Variants in CFAP57 observed in about 807,000 individuals in gnomAD.
CFAP57 encodes the protein cilia- and flagella-associated protein 57.
In CFAP57, 116 loss-of-function variants were observed where a neutral mutation model predicts 146.8. The ratio of observed to expected loss-of-function variants is 0.79; its 90% CI spans 0.68 to 0.92. CFAP57 has a LOEUF of 0.92. Among genes scored for constraint, CFAP57 ranks in the 40% least tolerant of loss-of-function variants. The probability of loss-of-function intolerance (pLI) is 0.00; values close to 1 mark genes in which losing one functional copy is unlikely to be tolerated. For synonymous variants in CFAP57, 518 were observed against 552.8 expected (o/e 0.94, Z 0.88); for missense variants, 1,377 against 1,527.2 (o/e 0.90, Z 1.64).
intron 6 of CFAP57, among the ~76,000 whole-genome samples, chr1:43,191,800 C>CTT (rs574816091): frequency 2.2e-4 from 32 of 145,126 alleles, no homozygotes; most frequent in Non-Finnish European, 3.5e-4. Context: ...TTAGGTTGCT[C>CTT]TTTTTTTTTT....
intron 21 of CFAP57, among the ~76,000 whole-genome samples, chr1:43,236,523 G>A (rs1231242517): frequency 7.4e-6 from 1 of 135,132 alleles, no homozygotes; most frequent in Non-Finnish European, 1.5e-5. Context: ...AGAGTGGGGG[G>A]TTCCTGCAAG....
chr1:43,174,156 A>G (rs1186336781), intron 2 of CFAP57, among the ~76,000 whole-genome samples: 1 of 152,070 alleles, frequency 6.6e-6, no homozygotes, highest in Non-Finnish European at 1.5e-5. Flanking sequence ...TATATTCTGT[A>G]TATCAATAAT....
intron 9 of CFAP57, 129 bp downstream of exon 9, chr1:43,199,632 G>T (rs895480720): frequency 2.4e-6 from 2 of 823,798 alleles, no homozygotes; most frequent in African/African-American, 3.4e-5. Context: ...CTTGGGGAAA[G>T]AGACAATAAA....
At chr1:43,246,965 TA>T (rs1646134535) in intron 22 of CFAP57, among the ~76,000 whole-genome samples, 1 of 152,206 alleles carries the variant, frequency 6.6e-6, no homozygotes. Flanking sequence ...TCCTGAACAT[TA>T]AAACTTTGTA....
At chr1:43,230,179 A>C (rs1206369380) in intron 18 of CFAP57, among the ~76,000 whole-genome samples, 2 of 152,204 alleles carry the variant, frequency 1.3e-5, no homozygotes, top group African/African-American at 4.8e-5. Flanking sequence ...CTCTCTGCTA[A>C]CCTCATCTGT....
rs1280610618 is a variant in CFAP57 at position 43,232,642 on chromosome 1, T to G, written c.3126+18T>G. The stretch of plus-strand genomic sequence containing the variant: ...GACAGAAGGTGTGAGGGTTTCAGAG[T>G]CTGGCAGTTCTTGGATTCGGGATCT... On this transcript the variant is annotated intron_variant, in intron 19 of 22. Coordinates refer to ENST00000372492, the MANE Select transcript of CFAP57 (RefSeq NM_001378189.1). The G allele has an allele frequency of 6.7e-7, 1 of 1,496,312 alleles. No homozygotes were observed. The highest frequency in any genetic ancestry group is 1.4e-5 in the African/African-American group (1 of 71,734). The allele number at this position is 1,496,312 out of a possible 1,614,324, so 92.7% of individuals were successfully genotyped here.
intron 2 of CFAP57, among the ~76,000 whole-genome samples, chr1:43,178,721 G>A (rs1005332834): frequency 1.3e-5 from 2 of 152,232 alleles, no homozygotes; most frequent in Non-Finnish European, 2.9e-5. Context: ...GTGGAAGACA[G>A]TGTGGTGATT....
At chr1:43,184,365 A>T (rs1467164539) in intron 4 of CFAP57, among the ~76,000 whole-genome samples, 2 of 152,234 alleles carry the variant, frequency 1.3e-5, no homozygotes, top group African/African-American at 4.8e-5. Flanking sequence ...GTGGTTATTG[A>T]CCATTATAAT....
intron 22 of CFAP57, among the ~76,000 whole-genome samples, chr1:43,252,407 A>G (rs10890246): frequency 0.34 from 51,969 of 151,786 alleles, 10,292 homozygotes; most frequent in East Asian, 0.59. Context: ...TTTGTGGCTT[A>G]AGGCGATCTT....
chr1:43,176,902 TCA>T (rs1478060007), intron 2 of CFAP57, among the ~76,000 whole-genome samples: 3 of 151,772 alleles, frequency 2.0e-5, no homozygotes, highest in Non-Finnish European at 2.9e-5. Context: ...TAGCAAAGGC[TCA>T]GAGTTAGGAG....
At position 43,186,812 on chromosome 1, in the gene CFAP57, A is replaced by G. The variant is rs532399984; in HGVS notation, c.1075A>G (p.Lys359Glu). ...GGAAACTCTGGTTGCCAGCACCAGT[A>G]AGAACCAACTCTACAGCATCACCAT... ...SEETLVASTS[K>E]NQLYSITMSL... is the part of the protein sequence containing the mutation. Residue 359 changes from lysine to glutamate, a missense_variant, in exon 6 of 23, where the codon AAG (lysine) becomes GAG (glutamate). Transcript: ENST00000372492. The G allele has an allele frequency of 1.9e-5, 31 of 1,614,132 alleles. No homozygotes were observed. The East Asian group carries it at 6.2e-4, about 32-fold the overall frequency.
In CFAP57 at chr1:43,221,390, G is replaced by T; in HGVS notation, c.2266G>T (p.Glu756Ter). Residue 756 changes from glutamate to a stop codon, truncating the protein, a stop_gained, in exon 14 of 23, where the codon GAG (glutamate) becomes TAG (stop). Transcript: ENST00000372492. LOFTEE classifies it high-confidence loss of function. ...GTTTTAGGTCTTAAGAACAGAAAAA[G>T]AGAAGCAGGATGTTTATCACCATGA... is the stretch of plus-strand genomic sequence containing the variant. ...TKNQVLRTEK[E>*]KQDVYHHEHI... 1 of 1,542,554 alleles carries T rather than the reference G, an allele frequency of 6.5e-7. No homozygotes were observed. The highest frequency in any genetic ancestry group is 1.2e-5 in the South Asian group (1 of 82,512).
At chr1:43,204,009 C>G (rs373605480) in intron 9 of CFAP57, among the ~76,000 whole-genome samples, 93 of 152,258 alleles carry the variant, frequency 6.1e-4, no homozygotes, top group African/African-American at 2.2e-3. Context: ...TTCTCTGAAA[C>G]TCTGTTAATG....
chr1:43,232,407 G>A, intron 18 of CFAP57, 101 bp from the exon 19 acceptor site: 1 of 900,158 alleles, frequency 1.1e-6, no homozygotes, highest in Non-Finnish European at 1.7e-6. Context: ...GAAATGCCCG[G>A]GTGTCAGGGG....
intron 2 of CFAP57, among the ~76,000 whole-genome samples, chr1:43,180,172 C>T (rs963824414): frequency 2.7e-5 from 4 of 150,084 alleles, no homozygotes; most frequent in African/African-American, 9.9e-5. Flanking sequence ...AGCCATTGCA[C>T]TCCAGCCTGG....
intron 11 of CFAP57, among the ~76,000 whole-genome samples, chr1:43,213,060 A>T (rs982909021): frequency 1.3e-5 from 2 of 152,002 alleles, no homozygotes; most frequent in African/African-American, 2.4e-5. Flanking sequence ...AGTATCTATC[A>T]TGCCACTCTC....
chr1:43,175,841 A>G (rs1045719853), intron 2 of CFAP57, among the ~76,000 whole-genome samples: 7 of 127,232 alleles, frequency 5.5e-5, no homozygotes, highest in African/African-American at 2.4e-4. Flanking sequence ...TTGAACTCTT[A>G]TTTGGATTTT....
rs769855241 is a variant in CFAP57, at chr1:43,209,901, C to T, written c.1914C>T (p.Ala638=). The T allele has an allele frequency of 9.3e-5, 150 of 1,614,128 alleles. 1 individual carries two copies. The highest frequency in any genetic ancestry group is 1.2e-4 in the Non-Finnish European group (138 of 1,180,058). Residue 638 remains alanine, a synonymous_variant, in exon 11 of 23, where the codon GCC becomes GCT. Coordinates refer to ENST00000372492, the MANE Select transcript of CFAP57 (RefSeq NM_001378189.1). ...QKEFNEYQAH[A]GPITKMLLTF... The stretch of plus-strand genomic sequence containing the variant: ...AATTCAATGAGTACCAGGCCCATGC[C>T]GGTCCTATCACCAAGGTGAGCAGGG...
At chr1:43,240,472 A>G (rs1645870323) in intron 21 of CFAP57, among the ~76,000 whole-genome samples, 1 of 152,202 alleles carries the variant, frequency 6.6e-6, no homozygotes, top group Non-Finnish European at 1.5e-5. Context: ...GACAGTGAAC[A>G]TACACCCTTA....
Sources: gnomAD v4.1 joint callset for allele counts (sites outside exome capture counted in the v4.1 genomes callset) on GRCh38, gnomAD v4.1.1 for gene constraint, MANE v1.5 for transcripts, NCBI Gene and HGNC (gene_info 2026-07-23, HGNC 2026-07-21) for gene names.